TNNI3K: variants seen among roughly 807,000 people sequenced by gnomAD.
TNNI3K encodes serine/threonine-protein kinase TNNI3K.
Under a neutral mutation model 114.5 loss-of-function variants are expected in TNNI3K, and 140 were observed. That is an observed-to-expected ratio of 1.22 (90% CI 1.07 to 1.41). TNNI3K has a LOEUF of 1.41. Ranked by LOEUF, TNNI3K falls within the 40% of genes most tolerant of loss-of-function variation. TNNI3K has a pLI of 0.00. For missense variants in TNNI3K, 1,125 were observed against 1,007.6 expected, an observed-to-expected ratio of 1.12 and a Z score of -1.58; for synonymous variants, 347 against 347.5, an observed-to-expected ratio of 1.00 and a Z score of 0.02.
chr1:74,517,465 A>C (rs1366101688), intron 23 of TNNI3K, among the ~76,000 whole-genome samples: 1 of 152,238 alleles, frequency 6.6e-6, no homozygotes, highest in African/African-American at 2.4e-5. Context: ...CAGGCTGGAC[A>C]GGAAATGGTA....
chr1:74,345,576 G>T (rs1660961348), intron 9 of TNNI3K, among the ~76,000 whole-genome samples: 1 of 152,132 alleles, frequency 6.6e-6, no homozygotes, highest in South Asian at 2.1e-4. Flanking sequence ...AAGAGGAAAT[G>T]CTAAGACCCA....
At chr1:74,248,229 C>T (rs988921041) in intron 2 of TNNI3K, among the ~76,000 whole-genome samples, 12 of 152,208 alleles carry the variant, frequency 7.9e-5, no homozygotes, top group South Asian at 2.1e-4. Context: ...CCCACGCCCA[C>T]CCAGAACTCA....
Position 74,347,335 on chromosome 1 carries a change from A to G in TNNI3K, c.932+4156A>G, listed in dbSNP as rs374734693. Among the ~76,000 whole-genome samples the G allele has an allele frequency of 1.8e-4, 28 of 151,658 alleles. No individual in the cohort carries two copies. The East Asian group carries it at 3.3e-3, about 18-fold the overall frequency. ...TCCCTACAAAGGACATGAACTCATC[A>G]TTTTTTATGGCTGCATAGTATTCCA... On this transcript the variant is annotated intron_variant, in intron 9 of 24. Coordinates refer to ENST00000326637, the MANE Select transcript of TNNI3K (RefSeq NM_015978.3).
In TNNI3K at chr1:74,321,969, A is replaced by C. The variant is rs184909164; in HGVS notation, c.445-9481A>C. ...TTGTAATGGTTGTCAAGGAGTGGAG[A>C]TTATATAAATATATAAATTAAAAAT... On this transcript the variant is annotated intron_variant, in intron 5 of 24. Transcript: ENST00000326637. Among the ~76,000 whole-genome samples, 18 of 152,202 alleles carry C rather than the reference A, an allele frequency of 1.2e-4. 1 individual carries two copies. The East Asian group carries it at 3.1e-3, about 26-fold the overall frequency.
chr1:74,350,229 AC>A (rs1217337852), intron 9 of TNNI3K, among the ~76,000 whole-genome samples: 1 of 151,628 alleles, frequency 6.6e-6, no homozygotes, highest in Non-Finnish European at 1.5e-5. Flanking sequence ...TTCGTTATTT[AC>A]CCAGTAGTCA....
intron 4 of TNNI3K, among the ~76,000 whole-genome samples, chr1:74,258,699 A>G (rs12142382): frequency 0.068 from 10,296 of 152,200 alleles, 382 homozygotes; most frequent in Middle Eastern, 0.1. Context: ...TCAAACTCCT[A>G]AATATGAGAC....
chr1:74,399,019 G>A (rs1664223048), intron 17 of TNNI3K, among the ~76,000 whole-genome samples: 1 of 151,850 alleles, frequency 6.6e-6, no homozygotes, highest in African/African-American at 2.4e-5. Flanking sequence ...AGCCAGGCAT[G>A]GTGGCGGGCG....
intron 17 of TNNI3K, among the ~76,000 whole-genome samples, chr1:74,419,071 C>T (rs1665272316): frequency 6.6e-6 from 1 of 152,074 alleles, no homozygotes; most frequent in South Asian, 2.1e-4. Context: ...TGGCTTAAAA[C>T]AACAGGAAGT....
At chr1:74,307,464 G>GA (rs1658713233) in intron 5 of TNNI3K, among the ~76,000 whole-genome samples, 2 of 151,812 alleles carry the variant, frequency 1.3e-5, no homozygotes, top group African/African-American at 2.4e-5. Context: ...AATGAAAAAT[G>GA]AAAAAAGAGC....
chr1:74,255,913 A>G (rs1376922723), intron 4 of TNNI3K, among the ~76,000 whole-genome samples: 1 of 152,190 alleles, frequency 6.6e-6, no homozygotes, highest in South Asian at 2.1e-4. Flanking sequence ...TGCACTTATC[A>G]TAAGGCTATT....
chr1:74,308,212 C>T (rs1570446924), intron 5 of TNNI3K, among the ~76,000 whole-genome samples: 1 of 152,040 alleles, frequency 6.6e-6, no homozygotes, highest in East Asian at 1.9e-4. Context: ...GCAGAATATA[C>T]ATTCTCCTCT....
chr1:74,310,862 T>C (rs530598012), intron 5 of TNNI3K, among the ~76,000 whole-genome samples: 1 of 152,284 alleles, frequency 6.6e-6, no homozygotes, highest in East Asian at 1.9e-4. Context: ...TTCTATCTTT[T>C]AGATACTTCT....
chr1:74,527,946 G>A (rs919686543), intron 23 of TNNI3K, among the ~76,000 whole-genome samples: 38 of 152,156 alleles, frequency 2.5e-4, no homozygotes, highest in Non-Finnish European at 5.6e-4. Context: ...GTGGGAGAAG[G>A]AAAGGGTTTC....
At chr1:74,493,598 A>G (rs950968833) in intron 23 of TNNI3K, among the ~76,000 whole-genome samples, 25 of 152,226 alleles carry the variant, frequency 1.6e-4, no homozygotes, top group Admixed American at 3.3e-4. Flanking sequence ...GAATTCAGGG[A>G]TATACAATCA....
At chr1:74,251,992 T>TCAG (rs1654957260) in intron 4 of TNNI3K, among the ~76,000 whole-genome samples, 1 of 152,162 alleles carries the variant, frequency 6.6e-6, no homozygotes, top group Non-Finnish European at 1.5e-5. Context: ...CAGCATCTGA[T>TCAG]GTTGACTTTT....
intron 9 of TNNI3K, among the ~76,000 whole-genome samples, chr1:74,350,801 T>C (rs889532223): frequency 2.0e-5 from 3 of 152,214 alleles, no homozygotes; most frequent in African/African-American, 7.2e-5. Context: ...CTGCCTTTTT[T>C]TGTTTTTCAT....
At chr1:74,438,486 G>C (rs1227874515) in intron 19 of TNNI3K, among the ~76,000 whole-genome samples, 8 of 152,054 alleles carry the variant, frequency 5.3e-5, no homozygotes, top group Admixed American at 1.3e-4. Flanking sequence ...GTGTAGCAAA[G>C]TTTATTAATA....
At chr1:74,331,959 C>T (rs1354134145) in intron 6 of TNNI3K, among the ~76,000 whole-genome samples, 1 of 152,046 alleles carries the variant, frequency 6.6e-6, no homozygotes, top group Admixed American at 6.5e-5. Context: ...GGAAAATGCT[C>T]AGTAAATATA....
chr1:74,508,722 A>G (rs1322291058), intron 23 of TNNI3K, among the ~76,000 whole-genome samples: 3 of 152,198 alleles, frequency 2.0e-5, no homozygotes, highest in Non-Finnish European at 4.4e-5. Flanking sequence ...GAGGCTCAGG[A>G]GGAAGGGTGC....
Sources: allele counts gnomAD v4.1 joint callset (sites outside exome capture counted in the v4.1 genomes callset), GRCh38; gene constraint gnomAD v4.1.1; transcripts MANE v1.5; gene names NCBI Gene and HGNC (gene_info 2026-07-23, HGNC 2026-07-21).